The following MLLT3 variants were observed in gnomAD, a reference collection of about 807,000 sequenced individuals.
The protein encoded by MLLT3 is protein AF-9.
A neutral mutation model predicts 53.2 loss-of-function variants in MLLT3; 4 were observed. The ratio of observed to expected loss-of-function variants is 0.08; its 90% CI spans 0.04 to 0.17. The LOEUF (loss-of-function observed/expected upper bound fraction) is 0.17, where lower values mean the gene tolerates loss of function less well. Among genes scored for constraint, MLLT3 ranks in the 10% least tolerant of loss-of-function variants. The pLI is 1.00. For synonymous variants in MLLT3, 283 were observed against 230.6 expected, an observed-to-expected ratio of 1.23 and a Z score of -2.06; for missense variants, 569 against 684.0, an observed-to-expected ratio of 0.83 and a Z score of 1.87.
intron 2 of MLLT3, among the ~76,000 whole-genome samples, chr9:20,615,555 A>G (rs1367483054): frequency 1.3e-5 from 2 of 152,032 alleles, no homozygotes; most frequent in Non-Finnish European, 2.9e-5. Flanking sequence ...ATAAGTTTTT[A>G]TTAGCAACAA....
intron 2 of MLLT3, among the ~76,000 whole-genome samples, chr9:20,509,640 G>A (rs948196028): frequency 5.3e-5 from 8 of 152,120 alleles, no homozygotes; most frequent in Admixed American, 1.3e-4. Flanking sequence ...AAGCCACCAC[G>A]CCAAGACTGT....
intron 5 of MLLT3, among the ~76,000 whole-genome samples, chr9:20,403,054 T>G (rs573528077): frequency 6.6e-6 from 1 of 151,770 alleles, no homozygotes; most frequent in Non-Finnish European, 1.5e-5. Context: ...TGCGAATCAC[T>G]GCAAACTGGA....
chr9:20,405,867 G>A (rs148723219), intron 5 of MLLT3, among the ~76,000 whole-genome samples: 228 of 152,124 alleles, frequency 1.5e-3, no homozygotes, highest in African/African-American at 5.0e-3. Context: ...ATCCCAGCAC[G>A]TTGGGAGGCC....
At chr9:20,365,293 G>A (rs1821421269) in intron 6 of MLLT3, among the ~76,000 whole-genome samples, 1 of 152,116 alleles carries the variant, frequency 6.6e-6, no homozygotes. Flanking sequence ...TAATAAAACA[G>A]TATAAGGTGA....
intron 2 of MLLT3, among the ~76,000 whole-genome samples, chr9:20,514,612 C>T (rs1463539904): frequency 6.6e-6 from 1 of 151,678 alleles, no homozygotes; most frequent in Non-Finnish European, 1.5e-5. Context: ...TTAATAGGTC[C>T]CAGGAAAGAA....
At position 20,620,291 on chromosome 9, in the gene MLLT3, ACACG is replaced by A. The variant is rs1215174592; in HGVS notation, c.193+359_193+362del. ...CACACACACACACACACACACACACACACGCGCAAAGTGTTTATTCCCTCCAGCC... is the reference window on the plus strand; with the variant it reads ...CACACACACACACACACACACACACACGCAAAGTGTTTATTCCCTCCAGCC... On this transcript the variant is annotated intron_variant, in intron 2 of 10. Coordinates refer to ENST00000380338, the MANE Select transcript of MLLT3 (RefSeq NM_004529.4). This position sits in a 1 kb window ranked among gnomAD's most constrained non-coding sequence, Gnocchi z 6.1. 1.1e-4 allele frequency among the ~76,000 whole-genome samples: 15 copies of A among 140,954 alleles called. No homozygotes were observed. Among genetic ancestry groups the A allele is most frequent in the Non-Finnish European group, 1.9e-4 (12 of 63,784 alleles). The allele number at this position is 140,954 out of a possible 152,430, so 92.5% of individuals were successfully genotyped here.
intron 2 of MLLT3, among the ~76,000 whole-genome samples, chr9:20,578,117 T>C (rs576393631): frequency 5.7e-4 from 87 of 152,302 alleles, no homozygotes; most frequent in African/African-American, 2.0e-3. Flanking sequence ...AAGGGAATTA[T>C]TAGTGGCTGG....
chr9:20,449,541 G>A (rs141751195), intron 3 of MLLT3, among the ~76,000 whole-genome samples: 7 of 152,270 alleles, frequency 4.6e-5, no homozygotes, highest in Admixed American at 1.3e-4. Flanking sequence ...TTTGGGGCAG[G>A]TGTGAGCCTT....
intron 5 of MLLT3, among the ~76,000 whole-genome samples, chr9:20,403,614 G>A (rs776631614): frequency 3.3e-5 from 5 of 152,142 alleles, no homozygotes; most frequent in Non-Finnish European, 5.9e-5. Context: ...TGCTAGCCCT[G>A]TCTGATTCTT....
In MLLT3 at chr9:20,616,247, A is replaced by C. The variant is rs572167332; in HGVS notation, c.193+4407T>G. On this transcript the variant is annotated intron_variant, in intron 2 of 10. Transcript: ENST00000380338. ...AGAAGTAACTTGTCCAAAACCATACAAGGAGTCTCTTAAACCAACATTTGA... is the reference window on the plus strand; with the variant it reads ...AGAAGTAACTTGTCCAAAACCATACCAGGAGTCTCTTAAACCAACATTTGA... Among the ~76,000 whole-genome samples, 20 of 152,296 alleles carry C rather than the reference A, an allele frequency of 1.3e-4. 1 individual carries two copies. The highest frequency in any genetic ancestry group is 4.1e-4 in the African/African-American group (17 of 41,576).
intron 2 of MLLT3, among the ~76,000 whole-genome samples, chr9:20,591,727 G>T (rs1383088809): frequency 6.6e-6 from 1 of 152,168 alleles, no homozygotes; most frequent in Non-Finnish European, 1.5e-5. Context: ...TAAGAGAAAG[G>T]TGTTTAAGCA....
At chr9:20,490,022 T>C (rs796914233) in intron 2 of MLLT3, among the ~76,000 whole-genome samples, 3 of 152,256 alleles carry the variant, frequency 2.0e-5, no homozygotes, top group Admixed American at 6.5e-5. Context: ...CAAAAAGGAA[T>C]ACATGGTACC....
At chr9:20,527,308 C>A (rs1368422228) in intron 2 of MLLT3, among the ~76,000 whole-genome samples, 1 of 152,226 alleles carries the variant, frequency 6.6e-6, no homozygotes, top group East Asian at 1.9e-4. Flanking sequence ...AAATTCAACT[C>A]AGAATGAGCC....
At chr9:20,584,632 T>C (rs1436567264) in intron 2 of MLLT3, among the ~76,000 whole-genome samples, 1 of 152,138 alleles carries the variant, frequency 6.6e-6, no homozygotes, top group Non-Finnish European at 1.5e-5. Flanking sequence ...AGTGGAAACC[T>C]CTGATAAACC....
At chr9:20,444,258 G>C (rs1036549735) in intron 4 of MLLT3, among the ~76,000 whole-genome samples, 1 of 152,134 alleles carries the variant, frequency 6.6e-6, no homozygotes, top group Admixed American at 6.5e-5. Flanking sequence ...TGATCCAAAA[G>C]TGATCAATCA....
At chr9:20,467,094 A>G (rs1408025683) in intron 2 of MLLT3, among the ~76,000 whole-genome samples, 6 of 152,176 alleles carry the variant, frequency 3.9e-5, no homozygotes, top group Non-Finnish European at 7.4e-5. Flanking sequence ...CACTATGAAA[A>G]TAAGAGGGAG....
intron 3 of MLLT3, among the ~76,000 whole-genome samples, chr9:20,454,648 C>G (rs562888436): frequency 7.2e-4 from 109 of 152,214 alleles, no homozygotes; most frequent in African/African-American, 2.5e-3. Context: ...TAGATTATTC[C>G]TATGGTGTAG....
chr9:20,418,535 T>G (rs1166883904), intron 4 of MLLT3: 2 of 152,238 alleles, frequency 1.3e-5, no homozygotes, highest in Non-Finnish European at 2.9e-5. Context: ...GCCTGAAGAA[T>G]GTGGCCACGA....
chr9:20,490,735 C>T (rs1214389965), intron 2 of MLLT3, among the ~76,000 whole-genome samples: 2 of 152,194 alleles, frequency 1.3e-5, no homozygotes, highest in Non-Finnish European at 2.9e-5. Flanking sequence ...AAAATTAATG[C>T]GAGAACTTAC....
Sources: allele counts gnomAD v4.1 joint callset (sites outside exome capture counted in the v4.1 genomes callset), GRCh38; gene constraint gnomAD v4.1.1; non-coding constraint Gnocchi (gnomAD v3.1); transcripts MANE v1.5; gene names NCBI Gene and HGNC (gene_info 2026-07-23, HGNC 2026-07-21).